TMEM132D: variants seen among roughly 807,000 people sequenced by gnomAD.
TMEM132D encodes mature OL transmembrane protein.
Under a neutral mutation model 62.3 loss-of-function variants are expected in TMEM132D, and 21 were observed. That is an observed-to-expected ratio of 0.34 (90% confidence interval 0.24 to 0.49). The LOEUF is 0.49. Among genes scored for constraint, TMEM132D ranks in the 20% least tolerant of loss-of-function variants. The probability of loss-of-function intolerance (pLI) is 0.99; values close to 1 mark genes in which losing one functional copy is unlikely to be tolerated. For synonymous variants in TMEM132D, 621 were observed against 575.6 expected, an observed-to-expected ratio of 1.08 and a Z score of -1.13; for missense variants, 1,346 against 1,402.8, an observed-to-expected ratio of 0.96 and a Z score of 0.65.
At chr12:129,749,395 G>A (rs1869924046) in intron 1 of TMEM132D, among the ~76,000 whole-genome samples, 1 of 152,062 alleles carries the variant, frequency 6.6e-6, no homozygotes, top group South Asian at 2.1e-4. Context: ...TTAATCAGAG[G>A]TGTCTCTTCA....
At chr12:129,369,695 A>C (rs1870535735) in intron 3 of TMEM132D, among the ~76,000 whole-genome samples, 1 of 152,274 alleles carries the variant, frequency 6.6e-6, no homozygotes, top group African/African-American at 2.4e-5. Context: ...AGATTGCTGC[A>C]TGATGAAAGT....
intron 3 of TMEM132D, among the ~76,000 whole-genome samples, chr12:129,509,787 T>C (rs1399228779): frequency 6.6e-6 from 1 of 152,216 alleles, no homozygotes; most frequent in African/African-American, 2.4e-5. Context: ...TCCATGTTGT[T>C]GCAAATGATA....
At chr12:129,176,099 C>T (rs181747627) in intron 5 of TMEM132D, among the ~76,000 whole-genome samples, 31 of 152,264 alleles carry the variant, frequency 2.0e-4, no homozygotes, top group African/African-American at 4.6e-4. Flanking sequence ...GACCACGTTG[C>T]GTGGAACTAG....
chr12:129,540,418 G>A (rs1876552644), intron 2 of TMEM132D, among the ~76,000 whole-genome samples: 1 of 152,116 alleles, frequency 6.6e-6, no homozygotes, highest in Non-Finnish European at 1.5e-5. Flanking sequence ...ACTGAAGTGA[G>A]TAATTCGAGG....
At chr12:129,376,461 T>C (rs1267935850) in intron 3 of TMEM132D, among the ~76,000 whole-genome samples, 1 of 152,180 alleles carries the variant, frequency 6.6e-6, no homozygotes, top group African/African-American at 2.4e-5. Context: ...GGGAGGTAGC[T>C]GCTCCCATGA....
intron 1 of TMEM132D, among the ~76,000 whole-genome samples, chr12:129,814,834 T>G (rs1438973599): frequency 6.6e-6 from 1 of 152,076 alleles, no homozygotes; most frequent in Non-Finnish European, 1.5e-5. Flanking sequence ...ACATCTAAGA[T>G]GCCTTTCTCC....
At chr12:129,751,780 G>C (rs1434615797) in intron 1 of TMEM132D, among the ~76,000 whole-genome samples, 2 of 152,140 alleles carry the variant, frequency 1.3e-5, no homozygotes, top group African/African-American at 4.8e-5. Flanking sequence ...ACAAACACCA[G>C]GATGACTTTG....
chr12:129,818,421 G>C (rs1243288304), intron 1 of TMEM132D, among the ~76,000 whole-genome samples: 1 of 139,792 alleles, frequency 7.2e-6, no homozygotes, highest in Non-Finnish European at 1.5e-5. Context: ...TTTTAAGTGT[G>C]TATGTGTGTG....
chr12:129,297,814 C>T lies in TMEM132D; in HGVS notation c.1299+39820G>A, dbSNP rs554128227. On this transcript the variant is annotated intron_variant, in intron 4 of 8. Coordinates refer to ENST00000422113, the MANE Select transcript of TMEM132D (RefSeq NM_133448.3). ...GTCAGGCTGCACACCTGTCACAGGT[C>T]GGCTGGGGACGCTGCTCTCCCCAAC... Among the ~76,000 whole-genome samples, 3 of 152,246 alleles carry T rather than the reference C, an allele frequency of 2.0e-5. No individual in the cohort carries two copies. The South Asian group carries it at 6.2e-4, about 32-fold the overall frequency.
At chr12:129,101,760 T>G (rs904365780) in intron 5 of TMEM132D, among the ~76,000 whole-genome samples, 7 of 152,140 alleles carry the variant, frequency 4.6e-5, no homozygotes, top group African/African-American at 1.7e-4. Flanking sequence ...TATCATATAT[T>G]CCAGGGACAA....
chr12:129,870,690 T>C (rs1162883232), intron 1 of TMEM132D, among the ~76,000 whole-genome samples: 1 of 152,182 alleles, frequency 6.6e-6, no homozygotes, highest in Non-Finnish European at 1.5e-5. Flanking sequence ...GGCTGCTTTA[T>C]TGAACCTAAA....
intron 4 of TMEM132D, among the ~76,000 whole-genome samples, chr12:129,282,786 A>C (rs1458465224): frequency 1.3e-5 from 2 of 152,248 alleles, no homozygotes; most frequent in Admixed American, 1.3e-4. Context: ...GCTTCAGATC[A>C]TGATAATCTA....
intron 2 of TMEM132D, among the ~76,000 whole-genome samples, chr12:129,593,155 G>T (rs1354813600): frequency 6.6e-6 from 1 of 152,116 alleles, no homozygotes; most frequent in East Asian, 1.9e-4. Flanking sequence ...AGAAACAAGG[G>T]TATGTAAAAA....
chr12:129,841,531 C>T (rs1439108912), intron 1 of TMEM132D, among the ~76,000 whole-genome samples: 2 of 152,132 alleles, frequency 1.3e-5, no homozygotes, highest in Admixed American at 1.3e-4. Flanking sequence ...TCTGTATTTC[C>T]TTCTTCCCTC....
intron 3 of TMEM132D, among the ~76,000 whole-genome samples, chr12:129,393,080 C>T (rs1871333213): frequency 6.6e-6 from 1 of 152,170 alleles, no homozygotes; most frequent in African/African-American, 2.4e-5. Flanking sequence ...AGGGAAAGTT[C>T]CTGATTTTTC....
intron 1 of TMEM132D, among the ~76,000 whole-genome samples, chr12:129,784,403 T>C (rs996760079): frequency 6.6e-6 from 1 of 151,088 alleles, no homozygotes; most frequent in African/African-American, 2.4e-5. Context: ...TTTAAAATAT[T>C]TTTTTTTCAA....
intron 4 of TMEM132D, among the ~76,000 whole-genome samples, chr12:129,335,990 G>A (rs759494903): frequency 2.5e-4 from 38 of 152,336 alleles, no homozygotes; most frequent in African/African-American, 8.9e-4. Flanking sequence ...GTTGGACCAT[G>A]AGGTAATCAT....
At chr12:129,409,149 G>C (rs1458934395) in intron 3 of TMEM132D, among the ~76,000 whole-genome samples, 2 of 151,946 alleles carry the variant, frequency 1.3e-5, no homozygotes, top group East Asian at 1.9e-4. Context: ...GCCAGGCTGG[G>C]CTTGAACTCC....
intron 4 of TMEM132D, among the ~76,000 whole-genome samples, chr12:129,314,960 T>C (rs117465418): frequency 0.03 from 4,639 of 152,272 alleles, 105 homozygotes; most frequent in Middle Eastern, 0.068. Context: ...GCTGTTGGTG[T>C]ATAGAAGAGC....
Sources: gnomAD v4.1 joint callset for allele counts (sites outside exome capture counted in the v4.1 genomes callset) on GRCh38, gnomAD v4.1.1 for gene constraint, MANE v1.5 for transcripts, NCBI Gene and HGNC (gene_info 2026-07-23, HGNC 2026-07-21) for gene names.